Variants in ERBB4 observed in about 807,000 individuals in gnomAD.
ERBB4 encodes erb-b2 receptor tyrosine kinase 4, also known as receptor tyrosine-protein kinase erbB-4.
In ERBB4, 42 loss-of-function variants were observed where a neutral mutation model predicts 158.0. The observed-to-expected ratio is 0.27, with a 90% CI of 0.21 to 0.34. The LOEUF (loss-of-function observed/expected upper bound fraction) is 0.34, where lower values mean the gene tolerates loss of function less well. ERBB4 is among the 10% of genes least tolerant of loss of function. The probability of loss-of-function intolerance (pLI) is 1.00; values close to 1 mark genes in which losing one functional copy is unlikely to be tolerated. For synonymous variants in ERBB4, 583 were observed against 558.7 expected, an observed-to-expected ratio of 1.04 and a Z score of -0.61; for missense variants, 1,333 against 1,624.1, an observed-to-expected ratio of 0.82 and a Z score of 3.08.
At chr2:211,907,748 T>C (rs2079434794) in intron 3 of ERBB4, among the ~76,000 whole-genome samples, 1 of 151,644 alleles carries the variant, frequency 6.6e-6, no homozygotes, top group Non-Finnish European at 1.5e-5. Context: ...ACTTAGGTAG[T>C]AAGTTTTGTC....
chr2:212,110,758 C>G (rs1234838035), intron 2 of ERBB4, among the ~76,000 whole-genome samples: 1 of 152,350 alleles, frequency 6.6e-6, no homozygotes, highest in Admixed American at 6.5e-5. Flanking sequence ...TTAAGCCAGC[C>G]TCTTCAGGGG....
chr2:212,184,052 G>A (rs1402150163), intron 1 of ERBB4, among the ~76,000 whole-genome samples: 2 of 152,036 alleles, frequency 1.3e-5, no homozygotes, highest in Non-Finnish European at 2.9e-5. Context: ...TAGCAATTTT[G>A]ATAACTGCTT....
At chr2:211,429,442 T>C (rs1467274320) in intron 21 of ERBB4, among the ~76,000 whole-genome samples, 2 of 152,148 alleles carry the variant, frequency 1.3e-5, no homozygotes, top group Non-Finnish European at 2.9e-5. Context: ...ATAGGAACTA[T>C]ATAAAAGAAT....
intron 1 of ERBB4, among the ~76,000 whole-genome samples, chr2:212,462,451 A>G (rs149659385): frequency 4.3e-4 from 65 of 152,294 alleles, no homozygotes; most frequent in African/African-American, 1.4e-3. Flanking sequence ...AAGTATCTGA[A>G]CAGATATTTC....
At chr2:211,435,599 G>A (rs113461361) in intron 20 of ERBB4, among the ~76,000 whole-genome samples, 1 of 152,162 alleles carries the variant, frequency 6.6e-6, no homozygotes, top group South Asian at 2.1e-4. Flanking sequence ...TCTGCCTCCT[G>A]TCAGATTAGC....
chr2:212,238,497 C>G (rs892932151), intron 1 of ERBB4, among the ~76,000 whole-genome samples: 1 of 150,474 alleles, frequency 6.6e-6, no homozygotes, highest in Non-Finnish European at 1.5e-5. Context: ...TCGCTGGAAG[C>G]TGCAGACCAG....
At chr2:211,457,501 A>G (rs2064412381) in intron 20 of ERBB4, among the ~76,000 whole-genome samples, 1 of 152,214 alleles carries the variant, frequency 6.6e-6, no homozygotes. Flanking sequence ...ACTGCCACTT[A>G]TCCTAGAGAG....
intron 2 of ERBB4, among the ~76,000 whole-genome samples, chr2:212,100,650 G>A (rs1010514393): frequency 3.3e-5 from 5 of 152,098 alleles, no homozygotes; most frequent in Admixed American, 6.5e-5. Context: ...GAACCTCAGG[G>A]GAATGGCCAA....
At chr2:211,660,710 G>A (rs925988275) in intron 15 of ERBB4, among the ~76,000 whole-genome samples, 1 of 152,202 alleles carries the variant, frequency 6.6e-6, no homozygotes, top group Non-Finnish European at 1.5e-5. Context: ...TTGAAACCAT[G>A]TAAGTGAATA....
intron 19 of ERBB4, among the ~76,000 whole-genome samples, chr2:211,576,103 T>C (rs945861639): frequency 1.2e-4 from 7 of 59,336 alleles, no homozygotes; most frequent in Non-Finnish European, 3.3e-4. Context: ...TATTATTTTA[T>C]ATTTTTAATA....
intron 2 of ERBB4, among the ~76,000 whole-genome samples, chr2:212,078,482 A>T (rs4672637): frequency 0.54 from 82,694 of 151,754 alleles, 25,050 homozygotes; most frequent in East Asian, 0.92. Flanking sequence ...ATTAATTATA[A>T]CAGTGGTAAT....
chr2:211,671,067 T>C (rs1254457084), intron 14 of ERBB4, among the ~76,000 whole-genome samples: 2 of 152,198 alleles, frequency 1.3e-5, no homozygotes, highest in Non-Finnish European at 2.9e-5. Context: ...GTTTTTTGTC[T>C]ATAGGATTAG....
chr2:211,569,230 G>C (rs913959585), intron 19 of ERBB4, among the ~76,000 whole-genome samples: 1 of 152,182 alleles, frequency 6.6e-6, no homozygotes, highest in African/African-American at 2.4e-5. Flanking sequence ...AAGACCTTTT[G>C]AAGAAGTCTA....
intron 2 of ERBB4, among the ~76,000 whole-genome samples, chr2:212,078,427 C>T (rs1241100540): frequency 6.6e-6 from 1 of 151,736 alleles, no homozygotes; most frequent in Non-Finnish European, 1.5e-5. Flanking sequence ...TAGATAATAT[C>T]CTATTATTGA....
chr2:212,093,651 A>G (rs2078844388), intron 2 of ERBB4, among the ~76,000 whole-genome samples: 1 of 152,246 alleles, frequency 6.6e-6, no homozygotes, highest in South Asian at 2.1e-4. Flanking sequence ...TGTCGTATTT[A>G]GGGATTTTCA....
chr2:212,238,167 G>C (rs909432238), intron 1 of ERBB4, among the ~76,000 whole-genome samples: 5 of 152,188 alleles, frequency 3.3e-5, no homozygotes, highest in Non-Finnish European at 7.3e-5. Context: ...TGCCCAAATG[G>C]CTGCCCAGTT....
intron 1 of ERBB4, among the ~76,000 whole-genome samples, chr2:212,412,087 C>T (rs2091516127): frequency 6.6e-6 from 1 of 152,296 alleles, no homozygotes; most frequent in South Asian, 2.1e-4. Flanking sequence ...TTCTTAAAGA[C>T]ATACTCATGG....
At chr2:212,335,399 A>T (rs188418870) in intron 1 of ERBB4, among the ~76,000 whole-genome samples, 32 of 152,124 alleles carry the variant, frequency 2.1e-4, no homozygotes, top group Non-Finnish European at 4.1e-4. Flanking sequence ...TGGAATACAG[A>T]AACTAATGAT....
intron 14 of ERBB4, among the ~76,000 whole-genome samples, chr2:211,670,570 A>G (rs1379416855): frequency 1.3e-5 from 2 of 152,178 alleles, no homozygotes; most frequent in African/African-American, 4.8e-5. Flanking sequence ...GAAGAAGAGA[A>G]AAAGCATGGA....
Sources: gnomAD v4.1 joint callset for allele counts (sites outside exome capture counted in the v4.1 genomes callset) on GRCh38, gnomAD v4.1.1 for gene constraint, MANE v1.5 for transcripts, NCBI Gene and HGNC (gene_info 2026-07-23, HGNC 2026-07-21) for gene names.